The following TANGO6 variants were observed in gnomAD, a reference collection of about 807,000 sequenced individuals.
TANGO6 encodes the protein transport and Golgi organization protein 6 homolog.
Under a neutral mutation model 114.2 loss-of-function variants are expected in TANGO6, and 90 were observed. That is an observed-to-expected ratio of 0.79 (90% CI 0.66 to 0.94). The LOEUF is 0.94. Among genes scored for constraint, TANGO6 ranks in the 40% least tolerant of loss-of-function variants. The pLI is 0.00. For synonymous variants in TANGO6, 477 were observed against 509.8 expected (o/e 0.94, Z 0.87); for missense variants, 1,274 against 1,315.3 (o/e 0.97, Z 0.49).
intron 16 of TANGO6, among the ~76,000 whole-genome samples, chr16:69,039,327 C>CA (rs1224194865): frequency 0.079 from 8,147 of 102,730 alleles, 470 homozygotes; most frequent in African/African-American, 0.19. Flanking sequence ...GACTCCGTCT[C>CA]AAAAAAAAAA....
chr16:69,000,108 T>C (rs1964026923), intron 15 of TANGO6, among the ~76,000 whole-genome samples: 1 of 152,228 alleles, frequency 6.6e-6, no homozygotes, highest in Non-Finnish European at 1.5e-5. Flanking sequence ...ATAACAATTA[T>C]AATTATTACT....
intron 9 of TANGO6, among the ~76,000 whole-genome samples, chr16:68,906,919 A>G (rs1962858241): frequency 6.7e-6 from 1 of 150,300 alleles, no homozygotes; most frequent in South Asian, 2.1e-4. Flanking sequence ...TTAGCCTCCC[A>G]AGTAGCTGGG....
chr16:68,870,174 G>A (rs1254563344), intron 4 of TANGO6, among the ~76,000 whole-genome samples: 1 of 152,216 alleles, frequency 6.6e-6, no homozygotes, highest in Non-Finnish European at 1.5e-5. Context: ...GATTAATGCA[G>A]TGGTCATGGA....
chr16:69,058,167 C>T (rs767570352), intron 17 of TANGO6, among the ~76,000 whole-genome samples: 3 of 152,148 alleles, frequency 2.0e-5, no homozygotes, highest in Non-Finnish European at 4.4e-5. Flanking sequence ...GGAGTTCTGA[C>T]TAAGTGTACC....
chr16:68,872,507 G>A (rs1378028032), intron 4 of TANGO6, among the ~76,000 whole-genome samples: 1 of 151,634 alleles, frequency 6.6e-6, no homozygotes, highest in African/African-American at 2.4e-5. Context: ...TCACCATGTT[G>A]GCCAGGCTGG....
In TANGO6 at chr16:68,934,192, G is replaced by A. The variant is rs754492604; in HGVS notation, c.2701+3897G>A. On this transcript the variant is annotated intron_variant, in intron 14 of 17. Transcript: ENST00000261778. ...TGAGTAGCTGGGACTACAGATGCATGCCAACACACATCAGGCTAATTTTTT... is the reference window on the plus strand; with the variant it reads ...TGAGTAGCTGGGACTACAGATGCATACCAACACACATCAGGCTAATTTTTT... 3.9e-5 allele frequency among the ~76,000 whole-genome samples: 6 copies of A among 151,932 alleles called. No individual in the cohort carries two copies. The South Asian group carries it at 1.2e-3, about 32-fold the overall frequency.
intron 16 of TANGO6, chr16:69,025,980 C>G (rs1276638629): frequency 1.7e-5 from 3 of 175,176 alleles, no homozygotes; most frequent in Non-Finnish European, 3.7e-5. Flanking sequence ...ATTTGATCAC[C>G]TTTCTTGACT....
intron 17 of TANGO6, among the ~76,000 whole-genome samples, chr16:69,057,368 A>G (rs1348948976): frequency 5.3e-5 from 8 of 151,868 alleles, no homozygotes; most frequent in South Asian, 2.1e-4. Flanking sequence ...CCAGATCCTT[A>G]TAGTAACCCC....
chr16:68,951,927 G>C (rs78648354), intron 14 of TANGO6, among the ~76,000 whole-genome samples: 1 of 151,874 alleles, frequency 6.6e-6, no homozygotes, highest in African/African-American at 2.4e-5. Context: ...CTGCTCTTAC[G>C]GATGGTAAAA....
intron 1 of TANGO6, among the ~76,000 whole-genome samples, chr16:68,856,720 G>C (rs1376227031): frequency 1.3e-5 from 2 of 152,142 alleles, no homozygotes; most frequent in African/African-American, 4.8e-5. Flanking sequence ...AGGGTTCACT[G>C]TTTGTGTTAT....
Position 68,878,223 on chromosome 16 carries a change from G to A in TANGO6, c.1237G>A (p.Ala413Thr). The part of the protein sequence containing the change: ...TLSRERPHLA[A>T]KYLLQPVLAP... ...GTCAAGAGAACGCCCACATTTGGCA[G>A]CAAAGTATTTGCTCCAGCCAGTGTT... Residue 413 changes from alanine (A) to threonine (T), a missense_variant, in exon 6 of 18, where the codon GCA (alanine) becomes ACA (threonine). Physicochemically the swap from Ala to Thr is moderately conservative, Grantham distance 58. Around this residue, in one of 5 missense-constraint regions of TANGO6, gnomAD observed 908 missense variants for 910.2 expected, o/e 1.00. Coordinates refer to ENST00000261778, the MANE Select transcript of TANGO6 (RefSeq NM_024562.2). The A allele has an allele frequency of 6.2e-7, 1 of 1,613,046 alleles. No individual in the cohort carries two copies. The highest frequency in any genetic ancestry group is 8.5e-7 in the Non-Finnish European group (1 of 1,179,530).
intron 14 of TANGO6, among the ~76,000 whole-genome samples, chr16:68,971,463 T>TG (rs966770509): frequency 4.6e-5 from 7 of 151,914 alleles, no homozygotes; most frequent in Admixed American, 2.0e-4. Flanking sequence ...TTTATAGAGA[T>TG]GGGGTCTCCC....
intron 15 of TANGO6, among the ~76,000 whole-genome samples, chr16:69,018,711 A>G (rs991657517): frequency 1.3e-5 from 2 of 151,338 alleles, no homozygotes; most frequent in Non-Finnish European, 2.9e-5. Flanking sequence ...TCACGAGGTC[A>G]GGAGATCGAG....
chr16:69,075,396 A>G (rs1278309720), intron 17 of TANGO6, among the ~76,000 whole-genome samples: 2 of 152,076 alleles, frequency 1.3e-5, no homozygotes, highest in African/African-American at 2.4e-5. Context: ...TTACACATGC[A>G]TATGTATTTC....
rs761112619 is a variant in TANGO6, at chr16:69,083,514, C to T, written c.3138C>T (p.Tyr1046=). The part of the protein sequence containing the change: ...EVLSAVLKDL[Y]HLLKHVVCLE... ...TGAGCGCCGTCCTCAAGGATCTCTA[C>T]CACCTGCTGAAGCACGTAGTGTGTC... The change falls in exon 18 of 18, where the codon TAC becomes TAT. Residue 1046 remains tyrosine, a synonymous_variant. Coordinates refer to ENST00000261778, the MANE Select transcript of TANGO6 (RefSeq NM_024562.2). 6.2e-7 allele frequency: 1 copy of T among 1,612,406 alleles called. No homozygotes were observed. The highest frequency in any genetic ancestry group is 2.2e-5 in the East Asian group (1 of 44,850).
chr16:68,945,944 C>A (rs1463967023), intron 14 of TANGO6, among the ~76,000 whole-genome samples: 1 of 152,196 alleles, frequency 6.6e-6, no homozygotes, highest in Non-Finnish European at 1.5e-5. Flanking sequence ...CTTGGCCTCC[C>A]AAAATGCTAG....
chr16:69,019,449 C>T lies in TANGO6; in HGVS notation c.2843-3379C>T, dbSNP rs114736144. Among the ~76,000 whole-genome samples, 1,439 of 152,262 alleles carry T rather than the reference C, an allele frequency of 9.5e-3. 22 individuals carry two copies. Among genetic ancestry groups the T allele is most frequent in the African/African-American group, 0.033 (1,364 of 41,552 alleles). On this transcript the variant is annotated intron_variant, in intron 15 of 17. Coordinates refer to ENST00000261778, the MANE Select transcript of TANGO6 (RefSeq NM_024562.2). ...TTGGGAGCATTTTGGAGAAAGTACTCCTTTATCTTTTTCTTATACTGTATG... is the reference window on the plus strand; with the variant it reads ...TTGGGAGCATTTTGGAGAAAGTACTTCTTTATCTTTTTCTTATACTGTATG...
At chr16:68,898,121 C>A (rs539215730) in intron 7 of TANGO6, among the ~76,000 whole-genome samples, 2 of 152,062 alleles carry the variant, frequency 1.3e-5, no homozygotes, top group Admixed American at 1.3e-4. Context: ...CAAAGCCGAA[C>A]AATAGGTCTT....
intron 17 of TANGO6, among the ~76,000 whole-genome samples, chr16:69,042,731 T>G (rs1030868124): frequency 2.0e-5 from 3 of 152,156 alleles, no homozygotes; most frequent in African/African-American, 7.2e-5. Context: ...ACATTGCTCT[T>G]ATTGAGAATC....
Sources: gnomAD v4.1 joint callset for allele counts (sites outside exome capture counted in the v4.1 genomes callset) on GRCh38, gnomAD v4.1.1 for gene constraint, gnomAD v4.1.1 regional missense constraint, MANE v1.5 for transcripts, NCBI Gene and HGNC (gene_info 2026-07-23, HGNC 2026-07-21) for gene names.